Variants in ARGLU1 observed in about 807,000 individuals in gnomAD.
ARGLU1 encodes arginine and glutamate rich 1.
In ARGLU1, 9 loss-of-function variants were observed where a neutral mutation model predicts 37.6. The observed-to-expected ratio is 0.24, with a 90% CI of 0.14 to 0.42. The LOEUF (loss-of-function observed/expected upper bound fraction) is 0.42, where lower values mean the gene tolerates loss of function less well. Among genes scored for constraint, ARGLU1 ranks in the 10% least tolerant of loss-of-function variants. ARGLU1 has a pLI of 1.00. For synonymous variants in ARGLU1, 166 were observed against 138.5 expected (o/e 1.20, Z -1.39); for missense variants, 211 against 359.2 (o/e 0.59, Z 3.34).
intron 2 of ARGLU1, chr13:106,558,854 G>C (rs1032643546): frequency 2.0e-6 from 2 of 985,248 alleles, no homozygotes; most frequent in Admixed American, 1.2e-4. Flanking sequence ...TTAGGAAAAT[G>C]GAGGGCCTTA....
chr13:106,565,852 A>C (rs1244363963), intron 1 of ARGLU1, among the ~76,000 whole-genome samples: 1 of 152,210 alleles, frequency 6.6e-6, no homozygotes, highest in Non-Finnish European at 1.5e-5. Context: ...TATTTGCCGT[A>C]TTTCATTCCT....
At position 106,544,088 on chromosome 13, in the gene ARGLU1, G is replaced by T; in HGVS notation, c.730C>A (p.Arg244=). The T allele has an allele frequency of 6.2e-7, 1 of 1,607,330 alleles. No homozygotes were observed. The highest frequency in any genetic ancestry group is 1.1e-5 in the South Asian group (1 of 89,758). ...HEERMKLEQE[R]QRQQKEEQKI... ...TGTTCTTCTTTTTGTTGACGTTGTCGTTCTTGTTCTAGTTTCATCCTTTCC... is the reference window on the plus strand; with the variant it reads ...TGTTCTTCTTTTTGTTGACGTTGTCTTTCTTGTTCTAGTTTCATCCTTTCC... The change falls in exon 4 of 4, where the codon CGA becomes AGA. Residue 244 remains arginine (R), a synonymous_variant. Transcript: ENST00000400198.
chr13:106,549,693 T>A (rs1348862970), intron 3 of ARGLU1, among the ~76,000 whole-genome samples: 1 of 152,170 alleles, frequency 6.6e-6, no homozygotes. Context: ...CCTACTCCCT[T>A]TACCCCCTTT....
rs951766745 is a variant in ARGLU1 at position 106,567,228 on chromosome 13, C to G, written c.347+345G>C. On this transcript the variant is annotated intron_variant, in intron 1 of 3. Coordinates refer to ENST00000400198, the MANE Select transcript of ARGLU1 (RefSeq NM_018011.4). The surrounding 1 kb of genome is among the most constrained non-coding windows in gnomAD (Gnocchi z 4.3). ...CCACATCTGCAGGCCGGCTCGCTCC[C>G]GGCCTCACAAGCCAACGCAGCTCTC... Among the ~76,000 whole-genome samples the G allele has an allele frequency of 7.2e-5, 11 of 152,216 alleles. No homozygotes were observed. The highest frequency in any genetic ancestry group is 4.2e-4 in the South Asian group (2 of 4,818).
At chr13:106,552,942 A>T (rs1337271817) in intron 3 of ARGLU1, among the ~76,000 whole-genome samples, 1 of 152,228 alleles carries the variant, frequency 6.6e-6, no homozygotes, top group African/African-American at 2.4e-5. Context: ...CTACCCATGG[A>T]TTAGAGCACT....
intron 3 of ARGLU1, among the ~76,000 whole-genome samples, chr13:106,554,184 G>A (rs1313102295): frequency 6.6e-6 from 1 of 152,130 alleles, no homozygotes; most frequent in African/African-American, 2.4e-5. Flanking sequence ...TTTTTTTGGA[G>A]TTGTCTTTGT....
chr13:106,559,055 A>C, intron 2 of ARGLU1: 2 of 1,205,262 alleles, frequency 1.7e-6, no homozygotes, highest in Non-Finnish European at 2.1e-6. Flanking sequence ...TAACAGAGTG[A>C]CAGAATAGAA....
chr13:106,559,754 A>G lies in ARGLU1; in HGVS notation c.348-97T>C, dbSNP rs770088795. 189 of 1,300,458 alleles carry G rather than the reference A, an allele frequency of 1.5e-4. 1 individual carries two copies. Among genetic ancestry groups the G allele is most frequent in the Non-Finnish European group, 1.9e-4 (179 of 951,284 alleles). The allele number at this position is 1,300,458 out of a possible 1,614,324, so 80.6% of individuals were successfully genotyped here. A position where few individuals can be genotyped will look rare whatever the true frequency, so the allele number is the denominator to read the frequency against. Reference sequence around the variant, plus strand: ...TAAGTCTATCAAGCCATTGAGCCTGATATTATTCAGTGATTTTTTCAGAAT... The same window carrying G: ...TAAGTCTATCAAGCCATTGAGCCTGGTATTATTCAGTGATTTTTTCAGAAT... On this transcript the variant is annotated intron_variant, in intron 1 of 3. Transcript: ENST00000400198.
chr13:106,562,720 G>A (rs1464187367), intron 1 of ARGLU1, among the ~76,000 whole-genome samples: 1 of 151,952 alleles, frequency 6.6e-6, no homozygotes, highest in Admixed American at 6.5e-5. Context: ...GGCTGGGCGC[G>A]GTGGCTCACG....
At chr13:106,565,193 A>G (rs1298780110) in intron 1 of ARGLU1, among the ~76,000 whole-genome samples, 1 of 152,234 alleles carries the variant, frequency 6.6e-6, no homozygotes, top group African/African-American at 2.4e-5. Context: ...CAATAACCCT[A>G]ACATGATTCC....
intron 1 of ARGLU1, among the ~76,000 whole-genome samples, chr13:106,563,179 A>G (rs985536402): frequency 3.3e-5 from 5 of 152,176 alleles, no homozygotes; most frequent in Admixed American, 6.5e-5. Flanking sequence ...GAATCGCTTA[A>G]TAATTATTAG....
At chr13:106,560,216 CT>C (rs1445421532) in intron 1 of ARGLU1, among the ~76,000 whole-genome samples, 1 of 152,150 alleles carries the variant, frequency 6.6e-6, no homozygotes, top group Non-Finnish European at 1.5e-5. Flanking sequence ...AGTTCTTTAG[CT>C]TTATAGTTCC....
intron 3 of ARGLU1, 96 bp from the exon 4 acceptor site, chr13:106,544,256 A>C (rs1880335493): frequency 8.9e-7 from 1 of 1,122,478 alleles, no homozygotes; most frequent in Middle Eastern, 3.2e-4. Flanking sequence ...TCTACAAAAA[A>C]ATTTTTAATG....
chr13:106,549,561 G>GC (rs1425261133), intron 3 of ARGLU1, among the ~76,000 whole-genome samples: 3 of 152,074 alleles, frequency 2.0e-5, no homozygotes, highest in East Asian at 1.9e-4. Context: ...AGGGTAAAAC[G>GC]CAAGGATCCC....
intron 1 of ARGLU1, among the ~76,000 whole-genome samples, chr13:106,564,665 T>C (rs1430408452): frequency 6.6e-6 from 1 of 152,126 alleles, no homozygotes; most frequent in African/African-American, 2.4e-5. Flanking sequence ...CGCTCTCCTC[T>C]CTCCACACTC....
rs570718519 is a variant in ARGLU1, at chr13:106,555,384, A to G, written c.657+1664T>C. ...CTCAAAAACAAAACAAAGCAAGAAT[A>G]GTGTCACTCTGATCAAATCTAAATC... On this transcript the variant is annotated intron_variant, in intron 3 of 3. Transcript: ENST00000400198. 1.6e-4 allele frequency among the ~76,000 whole-genome samples: 25 copies of G among 152,306 alleles called. No individual in the cohort carries two copies. The South Asian group carries it at 5.0e-3, about 30-fold the overall frequency.
In ARGLU1 at chr13:106,559,611, G is replaced by A. The variant is rs372226737; in HGVS notation, c.394C>T (p.Arg132Ter). The change falls in exon 2 of 4, where the codon CGA becomes TGA. Residue 132 changes from arginine (R) to a stop codon, truncating the protein, a stop_gained. Coordinates refer to ENST00000400198, the MANE Select transcript of ARGLU1 (RefSeq NM_018011.4). LOFTEE classifies it high-confidence loss of function. ...TTTGCTACCAATTCTTCTACTCTTC[G>A]TGCTGTTTCTTCCTCGATGAGTTTT... is the stretch of plus-strand genomic sequence containing the variant. ...EEKLIEEETA[R>*]RVEELVAKRV... is the part of the protein sequence containing the mutation. The A allele has an allele frequency of 6.2e-7, 1 of 1,613,422 alleles. No homozygotes were observed.
intron 3 of ARGLU1, among the ~76,000 whole-genome samples, chr13:106,551,298 C>T (rs1880525029): frequency 6.6e-6 from 1 of 152,190 alleles, no homozygotes; most frequent in South Asian, 2.1e-4. Context: ...GCAACTTCAA[C>T]ACTTACTTAG....
Position 106,557,026 on chromosome 13 carries a change from T to C in ARGLU1, c.657+22A>G. The C allele has an allele frequency of 6.3e-7, 1 of 1,595,160 alleles. No homozygotes were observed. Among genetic ancestry groups the C allele is most frequent in the Non-Finnish European group, 8.6e-7 (1 of 1,164,312 alleles). ...AAATAAAGCAAAATACAAAACACTTTTCATGTATGCTTTACACTTACCAGT... is the reference window on the plus strand; with the variant it reads ...AAATAAAGCAAAATACAAAACACTTCTCATGTATGCTTTACACTTACCAGT... On this transcript the variant is annotated intron_variant, in intron 3 of 3. Transcript: ENST00000400198. This position sits in a 1 kb window ranked among gnomAD's most constrained non-coding sequence, Gnocchi z 5.0.
Sources: allele counts gnomAD v4.1 joint callset (sites outside exome capture counted in the v4.1 genomes callset), GRCh38; gene constraint gnomAD v4.1.1; non-coding constraint Gnocchi (gnomAD v3.1); transcripts MANE v1.5; gene names NCBI Gene and HGNC (gene_info 2026-07-23, HGNC 2026-07-21).